The following XKR6 variants were observed in gnomAD, a reference collection of about 807,000 sequenced individuals.
The protein encoded by XKR6 is XK-related protein 6.
XKR6 carries 22 observed loss-of-function variants against 56.7 expected under a neutral mutation model. The observed-to-expected ratio is 0.39, with a 90% CI of 0.28 to 0.55. The LOEUF is 0.55. XKR6 is among the 20% of genes least tolerant of loss of function. The probability of loss-of-function intolerance (pLI) is 0.66; values close to 1 mark genes in which losing one functional copy is unlikely to be tolerated. For synonymous variants in XKR6, 524 were observed against 387.8 expected (o/e 1.35, Z -4.13); for missense variants, 852 against 889.0 (o/e 0.96, Z 0.53).
intron 1 of XKR6, among the ~76,000 whole-genome samples, chr8:11,000,364 C>T (rs2129142820): frequency 1.3e-5 from 2 of 152,294 alleles, no homozygotes; most frequent in South Asian, 4.1e-4. Context: ...TGTTTTCTTC[C>T]TCGTGGAGCA....
intron 1 of XKR6, among the ~76,000 whole-genome samples, chr8:10,989,059 A>T (rs140056794): frequency 1.8e-3 from 273 of 152,348 alleles, no homozygotes; most frequent in Middle Eastern, 6.8e-3. Flanking sequence ...TTGACTCACC[A>T]TGACCACCTG....
chr8:11,160,615 A>C (rs192769077), intron 1 of XKR6, among the ~76,000 whole-genome samples: 1 of 152,184 alleles, frequency 6.6e-6, no homozygotes, highest in Non-Finnish European at 1.5e-5. Context: ...GATGCCTTAA[A>C]AAATGGTTCA....
At chr8:11,155,392 A>G (rs1801472697) in intron 1 of XKR6, among the ~76,000 whole-genome samples, 1 of 152,340 alleles carries the variant, frequency 6.6e-6, no homozygotes. Flanking sequence ...TATAATGTGA[A>G]TATTTTAAAA....
chr8:11,181,951 C>G (rs910755424), intron 1 of XKR6, among the ~76,000 whole-genome samples: 2 of 152,106 alleles, frequency 1.3e-5, no homozygotes, highest in African/African-American at 4.8e-5. Flanking sequence ...CTTCCAGGCT[C>G]AAGCCACACT....
chr8:10,960,508 C>A (rs1371468080), intron 1 of XKR6, among the ~76,000 whole-genome samples: 1 of 152,210 alleles, frequency 6.6e-6, no homozygotes, highest in Non-Finnish European at 1.5e-5. Flanking sequence ...CACGCCTCCA[C>A]AAGAAAGGAA....
At position 11,201,276 on chromosome 8, in the gene XKR6, C is replaced by G. The variant is rs777213893; in HGVS notation, c.64G>C (p.Glu22Gln). The change falls in exon 1 of 3, where the codon GAG (glutamate) becomes CAG (glutamine). Residue 22 changes from glutamate to glutamine, a missense_variant. Glu to Gln is a conservative substitution (Grantham distance 29). Around this residue, in one of 4 missense-constraint regions of XKR6, gnomAD observed 417 missense variants for 355.2 expected, o/e 1.17. Coordinates refer to ENST00000416569, the MANE Select transcript of XKR6 (RefSeq NM_173683.4). ...VGFAQLHNLD[E>Q]AVGSGGEEDG... Reference sequence around the variant, plus strand: ...TCCTCGCCGCCGCTGCCCACCGCCTCGTCCAGGTTGTGCAGCTGAGCGAAG... The same window carrying G: ...TCCTCGCCGCCGCTGCCCACCGCCTGGTCCAGGTTGTGCAGCTGAGCGAAG... 3.2e-6 allele frequency: 5 copies of G among 1,580,474 alleles called. No homozygotes were observed. The highest frequency in any genetic ancestry group is 4.3e-6 in the Non-Finnish European group (5 of 1,173,166).
At chr8:10,997,534 G>A (rs1798141730) in intron 1 of XKR6, among the ~76,000 whole-genome samples, 1 of 152,186 alleles carries the variant, frequency 6.6e-6, no homozygotes, top group African/African-American at 2.4e-5. Context: ...TGATTAAGAT[G>A]CATGTACAGA....
At chr8:11,015,931 C>T (rs1238990501) in intron 1 of XKR6, among the ~76,000 whole-genome samples, 1 of 152,136 alleles carries the variant, frequency 6.6e-6, no homozygotes, top group Non-Finnish European at 1.5e-5. Flanking sequence ...TGTCCAAGTC[C>T]CGACTCCTGC....
intron 1 of XKR6, among the ~76,000 whole-genome samples, chr8:11,178,640 CACA>C (rs1802805392): frequency 7.6e-6 from 1 of 131,784 alleles, no homozygotes; most frequent in African/African-American, 3.7e-5. Context: ...TATATATATA[CACA>C]TACACACAAA....
intron 1 of XKR6, among the ~76,000 whole-genome samples, chr8:11,107,088 G>C (rs772200023): frequency 3.9e-5 from 6 of 151,932 alleles, no homozygotes; most frequent in Non-Finnish European, 5.9e-5. Flanking sequence ...CTTCTATCTT[G>C]ACTTATGACA....
chr8:10,986,544 G>A (rs1432248712), intron 1 of XKR6, among the ~76,000 whole-genome samples: 3 of 152,160 alleles, frequency 2.0e-5, no homozygotes, highest in African/African-American at 7.2e-5. Flanking sequence ...GGAATTCTGT[G>A]ATCAGCAATA....
intron 1 of XKR6, among the ~76,000 whole-genome samples, chr8:11,080,112 C>T (rs550635605): frequency 7.2e-5 from 11 of 152,186 alleles, no homozygotes; most frequent in African/African-American, 2.6e-4. Context: ...ATTCACTAAA[C>T]TCTTTGCAGA....
chr8:11,112,742 T>C (rs1458346607), intron 1 of XKR6, among the ~76,000 whole-genome samples: 4 of 152,150 alleles, frequency 2.6e-5, no homozygotes, highest in African/African-American at 7.2e-5. Context: ...CCCACACACA[T>C]AAAATCACTG....
chr8:11,118,336 G>C (rs10090120), intron 1 of XKR6, among the ~76,000 whole-genome samples: 8,249 of 152,276 alleles, frequency 0.054, 756 homozygotes, highest in African/African-American at 0.19. Context: ...ATGAGTTAGG[G>C]AGGATTCCCT....
intron 1 of XKR6, among the ~76,000 whole-genome samples, chr8:10,938,462 C>T (rs890137406): frequency 3.3e-5 from 5 of 152,186 alleles, no homozygotes; most frequent in Admixed American, 2.0e-4. Flanking sequence ...ACTATCCTTC[C>T]GCAGGTGAAT....
At chr8:11,004,841 A>G (rs375403678) in intron 1 of XKR6, among the ~76,000 whole-genome samples, 19 of 152,356 alleles carry the variant, frequency 1.2e-4, no homozygotes, top group African/African-American at 4.6e-4. Flanking sequence ...CACATGATGA[A>G]ACATTATTCA....
In XKR6 at chr8:11,201,117, G is replaced by A; in HGVS notation, c.223C>T (p.Arg75Cys). ...CYWGCRSACL[R>C]SLLGRKPRRS... ...CGCGGCTTCCTGCCCAGGAGGGAGC[G>A]CAGGCAGGCGGAGCGGCAGCCCCAG... The change falls in exon 1 of 3, where the codon CGC becomes TGC. Residue 75 changes from arginine to cysteine, a missense_variant. Physicochemically the swap from Arg to Cys is radical, Grantham distance 180. Around this residue, in one of 4 missense-constraint regions of XKR6, gnomAD observed 417 missense variants for 355.2 expected, o/e 1.17. Coordinates refer to ENST00000416569, the MANE Select transcript of XKR6 (RefSeq NM_173683.4). 6.6e-7 allele frequency: 1 copy of A among 1,507,802 alleles called. No homozygotes were observed. Among genetic ancestry groups the A allele is most frequent in the Non-Finnish European group, 8.8e-7 (1 of 1,135,378 alleles). The allele number at this position is 1,507,802 out of a possible 1,614,324, so 93.4% of individuals were successfully genotyped here. A position where few individuals can be genotyped will look rare whatever the true frequency, so the allele number is the denominator to read the frequency against.
intron 1 of XKR6, among the ~76,000 whole-genome samples, chr8:11,122,906 T>C (rs1799523952): frequency 6.6e-6 from 1 of 152,110 alleles, no homozygotes; most frequent in South Asian, 2.1e-4. Flanking sequence ...ATAAACAAGC[T>C]CACTAACACA....
chr8:10,949,980 G>A (rs1305778074), intron 1 of XKR6, among the ~76,000 whole-genome samples: 5 of 152,136 alleles, frequency 3.3e-5, no homozygotes. Flanking sequence ...TCCTCTGCAT[G>A]AAAAAGAACC....
Sources: gnomAD v4.1 joint callset for allele counts (sites outside exome capture counted in the v4.1 genomes callset) on GRCh38, gnomAD v4.1.1 for gene constraint, gnomAD v4.1.1 regional missense constraint, MANE v1.5 for transcripts, NCBI Gene and HGNC (gene_info 2026-07-23, HGNC 2026-07-21) for gene names.